EIPR1: variants seen among roughly 807,000 people sequenced by gnomAD.
EIPR1 encodes EARP complex and GARP complex interacting protein 1, also known as EARP and GARP complex-interacting protein 1.
In EIPR1, 25 loss-of-function variants were observed where a neutral mutation model predicts 48.1. That is an observed-to-expected ratio of 0.52 (90% CI 0.38 to 0.73). EIPR1 has a LOEUF of 0.73. Among genes scored for constraint, EIPR1 ranks in the 30% least tolerant of loss-of-function variants. The pLI is 0.00. For missense variants in EIPR1, 415 were observed against 506.2 expected, an observed-to-expected ratio of 0.82 and a Z score of 1.73; for synonymous variants, 204 against 201.9, an observed-to-expected ratio of 1.01 and a Z score of -0.09.
At chr2:3,257,624 G>A (rs1167503646) in intron 3 of EIPR1, 169 bp from the exon 4 acceptor site, 11 of 692,492 alleles carry the variant, frequency 1.6e-5, no homozygotes, top group Non-Finnish European at 2.2e-5. Context: ...AGCCTGAGTC[G>A]GCAGGCAGAA....
intron 3 of EIPR1, among the ~76,000 whole-genome samples, chr2:3,281,353 G>C (rs1043854968): frequency 1.3e-5 from 2 of 152,076 alleles, no homozygotes; most frequent in African/African-American, 4.8e-5. Context: ...AACATAGGGC[G>C]AGTTAGTGAG....
At chr2:3,308,897 C>A (rs1469721923) in intron 3 of EIPR1, among the ~76,000 whole-genome samples, 3 of 152,070 alleles carry the variant, frequency 2.0e-5, no homozygotes, top group Admixed American at 6.5e-5. Flanking sequence ...CTGCAAGTAT[C>A]CTTAGGAATG....
intron 3 of EIPR1, among the ~76,000 whole-genome samples, chr2:3,291,090 G>A (rs764683448): frequency 7.2e-5 from 11 of 152,276 alleles, no homozygotes; most frequent in East Asian, 1.9e-4. Context: ...AGGATACCCC[G>A]AGGAACATGC....
chr2:3,276,584 G>A (rs576407357), intron 3 of EIPR1, among the ~76,000 whole-genome samples: 1 of 152,274 alleles, frequency 6.6e-6, no homozygotes, highest in South Asian at 2.1e-4. Context: ...GAGCACAGTG[G>A]CCCATGTGCC....
chr2:3,363,430 T>A (rs534157806), intron 1 of EIPR1, among the ~76,000 whole-genome samples: 1 of 152,322 alleles, frequency 6.6e-6, no homozygotes, highest in East Asian at 1.9e-4. Flanking sequence ...GCATGGTGGC[T>A]CATGCCTATA....
intron 4 of EIPR1, among the ~76,000 whole-genome samples, chr2:3,253,676 T>G (rs4854158): frequency 6.6e-6 from 1 of 152,138 alleles, no homozygotes; most frequent in Non-Finnish European, 1.5e-5. Context: ...ATTAGTGTTC[T>G]GGGGGGCACA....
chr2:3,192,948 A>G (rs565603464), intron 7 of EIPR1, among the ~76,000 whole-genome samples: 71 of 152,172 alleles, frequency 4.7e-4, no homozygotes, highest in Non-Finnish European at 8.4e-4. Context: ...GTCTCACGGC[A>G]TCTTCCCAGT....
chr2:3,197,372 G>A (rs1157986709), intron 5 of EIPR1, among the ~76,000 whole-genome samples: 1 of 152,206 alleles, frequency 6.6e-6, no homozygotes, highest in African/African-American at 2.4e-5. Context: ...AACAAGTCAG[G>A]TCCACCTGAG....
chr2:3,367,823 C>T (rs149765570), intron 1 of EIPR1, among the ~76,000 whole-genome samples: 5 of 152,228 alleles, frequency 3.3e-5, no homozygotes, highest in East Asian at 1.9e-4. Context: ...CCAAGGCAGA[C>T]GGATCACAAG....
At chr2:3,271,739 G>A (rs1205361330) in intron 3 of EIPR1, among the ~76,000 whole-genome samples, 1 of 152,126 alleles carries the variant, frequency 6.6e-6, no homozygotes, top group Non-Finnish European at 1.5e-5. Context: ...AGAGGCCTAG[G>A]TTTTTCAGAA....
intron 3 of EIPR1, chr2:3,301,039 C>A (rs1668748187): frequency 6.6e-6 from 1 of 152,178 alleles, no homozygotes; most frequent in Non-Finnish European, 1.5e-5. Flanking sequence ...TACAAAAACA[C>A]AGCAGAGAGA....
intron 4 of EIPR1, among the ~76,000 whole-genome samples, chr2:3,230,802 C>T (rs893350590): frequency 1.3e-5 from 2 of 152,066 alleles, no homozygotes; most frequent in Non-Finnish European, 2.9e-5. Flanking sequence ...GGGCTTTGTT[C>T]TTCTTTCTCA....
chr2:3,355,182 C>T (rs1285892476), intron 1 of EIPR1, among the ~76,000 whole-genome samples: 2 of 152,214 alleles, frequency 1.3e-5, no homozygotes, highest in African/African-American at 4.8e-5. Flanking sequence ...CCTAAAGGCA[C>T]CTGCCAGTCT....
At chr2:3,322,240 A>C (rs1269905458) in intron 3 of EIPR1, among the ~76,000 whole-genome samples, 2 of 152,078 alleles carry the variant, frequency 1.3e-5, no homozygotes, top group African/African-American at 4.8e-5. Context: ...CAGCGTTGAA[A>C]CTGCACTAGC....
Position 3,242,131 on chromosome 2 carries a change from C to T in EIPR1, c.416+15168G>A, listed in dbSNP as rs116065573. ...GACACCACGGACCAGGCAGCACCCACTGATGGCTGGAAGACAGAGATTTCA... is the reference window on the plus strand; with the variant it reads ...GACACCACGGACCAGGCAGCACCCATTGATGGCTGGAAGACAGAGATTTCA... On this transcript the variant is annotated intron_variant, in intron 4 of 8. Coordinates refer to ENST00000382125, the MANE Select transcript of EIPR1 (RefSeq NM_003310.5). Among the ~76,000 whole-genome samples the T allele has an allele frequency of 4.2e-4, 64 of 152,108 alleles. 1 individual carries two copies. The highest frequency in any genetic ancestry group is 1.5e-3 in the African/African-American group (64 of 41,486).
At chr2:3,266,816 C>T (rs779280530) in intron 3 of EIPR1, among the ~76,000 whole-genome samples, 1 of 152,220 alleles carries the variant, frequency 6.6e-6, no homozygotes, top group Non-Finnish European at 1.5e-5. Context: ...AAAAGACAGG[C>T]AGGCTGCTCA....
intron 4 of EIPR1, among the ~76,000 whole-genome samples, chr2:3,241,812 C>T (rs2694099): frequency 0.54 from 82,511 of 151,998 alleles, 22,775 homozygotes; most frequent in East Asian, 0.74. Flanking sequence ...GGGTCATCAT[C>T]GTGGGATATG....
intron 3 of EIPR1, among the ~76,000 whole-genome samples, chr2:3,266,128 G>C (rs900587062): frequency 7.2e-5 from 11 of 152,216 alleles, no homozygotes; most frequent in Admixed American, 3.3e-4. Context: ...AGGCTTACAG[G>C]AATTCAAAGG....
intron 1 of EIPR1, among the ~76,000 whole-genome samples, chr2:3,371,281 T>C (rs1440551065): frequency 1.3e-5 from 2 of 152,100 alleles, no homozygotes; most frequent in Non-Finnish European, 2.9e-5. Context: ...CGCTGCAAAC[T>C]CATGCCAAAA....
Sources: gnomAD v4.1 joint callset for allele counts (sites outside exome capture counted in the v4.1 genomes callset) on GRCh38, gnomAD v4.1.1 for gene constraint, MANE v1.5 for transcripts, NCBI Gene and HGNC (gene_info 2026-07-23, HGNC 2026-07-21) for gene names.